LHFPL6: variants seen among roughly 807,000 people sequenced by gnomAD.
LHFPL6 encodes the protein LHFPL tetraspan subfamily member 6 protein.
A neutral mutation model predicts 20.6 loss-of-function variants in LHFPL6; 9 were observed. The ratio of observed to expected loss-of-function variants is 0.44; its 90% CI spans 0.26 to 0.76. The LOEUF is 0.76. LHFPL6 is among the 30% of genes least tolerant of loss of function. LHFPL6 has a pLI of 0.20. For synonymous variants in LHFPL6, 105 were observed against 98.7 expected, an observed-to-expected ratio of 1.06 and a Z score of -0.38; for missense variants, 218 against 253.5, an observed-to-expected ratio of 0.86 and a Z score of 0.95.
At chr13:39,540,301 G>A (rs1870758219) in intron 2 of LHFPL6, among the ~76,000 whole-genome samples, 1 of 152,126 alleles carries the variant, frequency 6.6e-6, no homozygotes, top group Non-Finnish European at 1.5e-5. Flanking sequence ...AATTATTTAT[G>A]TATTAGTTAG....
At chr13:39,383,235 T>G (rs1024025236) in intron 2 of LHFPL6, among the ~76,000 whole-genome samples, 1 of 152,188 alleles carries the variant, frequency 6.6e-6, no homozygotes, top group African/African-American at 2.4e-5. Context: ...ACATGAAATT[T>G]TCAACACTCA....
rs113299590 is a variant in LHFPL6, at chr13:39,526,368, G to A, written c.385+74464C>T. Among the ~76,000 whole-genome samples the A allele has an allele frequency of 3.1e-3, 476 of 152,276 alleles. 5 individuals are homozygous for A. The highest frequency in any genetic ancestry group is 0.011 in the African/African-American group (458 of 41,560). The stretch of plus-strand genomic sequence containing the variant: ...TGGCAGGGGTTGGAGGGAGAAACTC[G>A]TTTTTGTACCAGAAAGAAGAAAACA... On this transcript the variant is annotated intron_variant, in intron 2 of 3. Coordinates refer to ENST00000379589, the MANE Select transcript of LHFPL6 (RefSeq NM_005780.3).
chr13:39,542,655 C>T (rs913574541), intron 2 of LHFPL6, among the ~76,000 whole-genome samples: 1 of 152,214 alleles, frequency 6.6e-6, no homozygotes, highest in East Asian at 1.9e-4. Context: ...TGGGAATCCA[C>T]CCTGCCTGAG....
chr13:39,530,624 A>G (rs774774181), intron 2 of LHFPL6, among the ~76,000 whole-genome samples: 2 of 152,158 alleles, frequency 1.3e-5, no homozygotes, highest in Non-Finnish European at 2.9e-5. Flanking sequence ...TAAAATAACC[A>G]TTGGATGAAC....
At chr13:39,496,321 T>C (rs148532329) in intron 2 of LHFPL6, among the ~76,000 whole-genome samples, 3 of 152,216 alleles carry the variant, frequency 2.0e-5, no homozygotes, top group African/African-American at 7.2e-5. Flanking sequence ...AGGGAACTAA[T>C]CCCATTCATA....
intron 2 of LHFPL6, among the ~76,000 whole-genome samples, chr13:39,424,497 C>T (rs1871588305): frequency 6.6e-6 from 1 of 152,150 alleles, no homozygotes; most frequent in Admixed American, 6.5e-5. Context: ...ATGAAGGAAA[C>T]ATCCCTATTG....
intron 2 of LHFPL6, among the ~76,000 whole-genome samples, chr13:39,547,024 C>G (rs984372388): frequency 4.6e-5 from 7 of 152,120 alleles, no homozygotes; most frequent in African/African-American, 1.7e-4. Flanking sequence ...ATAACCACCC[C>G]CTGCCTCCAA....
At chr13:39,487,306 C>T (rs1352234169) in intron 2 of LHFPL6, among the ~76,000 whole-genome samples, 1 of 152,072 alleles carries the variant, frequency 6.6e-6, no homozygotes, top group African/African-American at 2.4e-5. Flanking sequence ...GCCTTTTTGG[C>T]TTAATTTTTA....
At chr13:39,415,500 G>GAA (rs71077296) in intron 2 of LHFPL6, among the ~76,000 whole-genome samples, 1 of 145,196 alleles carries the variant, frequency 6.9e-6, no homozygotes, top group Non-Finnish European at 1.5e-5. Context: ...TAAAAATACT[G>GAA]AAAAAAAAAA....
rs548905030 is a variant in LHFPL6, at chr13:39,351,518, T to C, written c.485-7464A>G. Among the ~76,000 whole-genome samples, 13 of 151,782 alleles carry C rather than the reference T, an allele frequency of 8.6e-5. No individual in the cohort carries two copies. The East Asian group carries it at 2.5e-3, about 29-fold the overall frequency. Reference sequence around the variant, plus strand: ...GTTAAATAGTACTTGTCTTGGCACTTATATGCCCGAGAAAAAAATAAAACA... The same window carrying C: ...GTTAAATAGTACTTGTCTTGGCACTCATATGCCCGAGAAAAAAATAAAACA... On this transcript the variant is annotated intron_variant, in intron 3 of 3. Coordinates refer to ENST00000379589, the MANE Select transcript of LHFPL6 (RefSeq NM_005780.3).
At chr13:39,527,467 T>C (rs1351335835) in intron 2 of LHFPL6, among the ~76,000 whole-genome samples, 2 of 151,042 alleles carry the variant, frequency 1.3e-5, no homozygotes, top group East Asian at 3.9e-4. Context: ...CTCCTGTCCA[T>C]CTTTGAACAA....
chr13:39,580,652 C>A (rs1297536234), intron 2 of LHFPL6, among the ~76,000 whole-genome samples: 1 of 152,088 alleles, frequency 6.6e-6, no homozygotes, highest in Non-Finnish European at 1.5e-5. Flanking sequence ...TTTATGTAAC[C>A]AACTGTTGGT....
At chr13:39,536,995 G>T (rs369296873) in intron 2 of LHFPL6, among the ~76,000 whole-genome samples, 1 of 152,164 alleles carries the variant, frequency 6.6e-6, no homozygotes, top group African/African-American at 2.4e-5. Flanking sequence ...GAGGTATTAC[G>T]AAGCTGTTGA....
chr13:39,552,425 T>C (rs1206214628), intron 2 of LHFPL6, among the ~76,000 whole-genome samples: 1 of 152,044 alleles, frequency 6.6e-6, no homozygotes, highest in Non-Finnish European at 1.5e-5. Flanking sequence ...TGACACACTG[T>C]CACTGTCATG....
chr13:39,375,927 G>T (rs774197445), intron 3 of LHFPL6, among the ~76,000 whole-genome samples: 4 of 151,824 alleles, frequency 2.6e-5, no homozygotes, highest in Non-Finnish European at 5.9e-5. Context: ...ATTTAGAAAC[G>T]CATGATCAGA....
At chr13:39,514,180 C>G (rs1221534953) in intron 2 of LHFPL6, among the ~76,000 whole-genome samples, 5 of 152,088 alleles carry the variant, frequency 3.3e-5, no homozygotes, top group African/African-American at 1.2e-4. Flanking sequence ...ACTAAATAAT[C>G]AGAAGGGACT....
chr13:39,354,087 G>A (rs1309447149), intron 3 of LHFPL6, among the ~76,000 whole-genome samples: 1 of 152,172 alleles, frequency 6.6e-6, no homozygotes, highest in Non-Finnish European at 1.5e-5. Context: ...AAGAACTGCA[G>A]CTCTCCACTG....
chr13:39,591,518 ATGACCACTGCAGAGG>A (rs1872590437), intron 2 of LHFPL6, among the ~76,000 whole-genome samples: 2 of 152,192 alleles, frequency 1.3e-5, no homozygotes, highest in Non-Finnish European at 2.9e-5. Context: ...CACCCCCAAA[ATGACCACTGCAGAGG>A]TAACAATGAT....
At chr13:39,593,763 C>A (rs1356072750) in intron 2 of LHFPL6, among the ~76,000 whole-genome samples, 4 of 150,706 alleles carry the variant, frequency 2.7e-5, no homozygotes, top group African/African-American at 9.7e-5. Context: ...GGTACCAAAA[C>A]AGAGATATAG....
Sources: allele counts gnomAD v4.1 joint callset (sites outside exome capture counted in the v4.1 genomes callset), GRCh38; gene constraint gnomAD v4.1.1; transcripts MANE v1.5; gene names NCBI Gene and HGNC (gene_info 2026-07-23, HGNC 2026-07-21).